The following MCTP1 variants were observed in gnomAD, a reference collection of about 807,000 sequenced individuals.
MCTP1 encodes the protein multiple C2 and transmembrane domain-containing protein 1.
A neutral mutation model predicts 120.6 loss-of-function variants in MCTP1; 69 were observed. The observed-to-expected ratio is 0.57, with a 90% CI of 0.47 to 0.70. The LOEUF is 0.70. MCTP1 is among the 30% of genes least tolerant of loss of function. The pLI is 0.00. For missense variants in MCTP1, 1,203 were observed against 1,248.8 expected (o/e 0.96, Z 0.55); for synonymous variants, 529 against 493.1 (o/e 1.07, Z -0.96).
At chr5:95,274,814 G>A (rs1332001836) in intron 1 of MCTP1, among the ~76,000 whole-genome samples, 2 of 151,854 alleles carry the variant, frequency 1.3e-5, no homozygotes, top group South Asian at 2.1e-4. Context: ...TAGTAGAGAC[G>A]GGGTTTCATC....
chr5:95,115,509 T>A lies in MCTP1; in HGVS notation c.721-98025A>T, dbSNP rs192966016. On this transcript the variant is annotated intron_variant, in intron 1 of 22. Coordinates refer to ENST00000515393, the MANE Select transcript of MCTP1 (RefSeq NM_024717.7). ...TGGCATACTGAAGAATGCATCAGAG[T>A]CTTTTAATAGCAGAATTGATCAAGC... is the stretch of plus-strand genomic sequence containing the variant. Among the ~76,000 whole-genome samples the A allele has an allele frequency of 2.0e-3, 306 of 151,380 alleles. 2 individuals carry two copies. The highest frequency in any genetic ancestry group is 7.1e-3 in the African/African-American group (291 of 41,228).
intron 1 of MCTP1, among the ~76,000 whole-genome samples, chr5:95,069,946 AC>A (rs1751714971): frequency 6.6e-6 from 1 of 151,736 alleles, no homozygotes; most frequent in Non-Finnish European, 1.5e-5. Flanking sequence ...CTTGTGATCC[AC>A]CCACCTCAGC....
At chr5:94,747,200 G>A (rs1282847188) in intron 19 of MCTP1, among the ~76,000 whole-genome samples, 2 of 152,124 alleles carry the variant, frequency 1.3e-5, no homozygotes, top group African/African-American at 4.8e-5. Context: ...ACAGCAGCAA[G>A]TATTTTTTCT....
chr5:95,208,023 G>C (rs71580780), intron 1 of MCTP1, among the ~76,000 whole-genome samples: 23,059 of 148,314 alleles, frequency 0.16, 2,388 homozygotes, highest in Non-Finnish European at 0.21. Flanking sequence ...GAGAGGGAGA[G>C]AGAGAGAAAG....
At chr5:95,267,031 G>A (rs551438423) in intron 1 of MCTP1, among the ~76,000 whole-genome samples, 25 of 152,208 alleles carry the variant, frequency 1.6e-4, no homozygotes, top group African/African-American at 5.5e-4. Flanking sequence ...GAACATTGCT[G>A]CAAATCTGTT....
At chr5:95,145,930 GT>G (rs1238573301) in intron 1 of MCTP1, among the ~76,000 whole-genome samples, 2 of 151,940 alleles carry the variant, frequency 1.3e-5, no homozygotes, top group Admixed American at 1.3e-4. Flanking sequence ...AGCCTCTCCT[GT>G]TTCATTTTCT....
chr5:95,200,702 T>C (rs1487072222), intron 1 of MCTP1, among the ~76,000 whole-genome samples: 1 of 152,198 alleles, frequency 6.6e-6, no homozygotes, highest in Admixed American at 6.5e-5. Context: ...TTCAGTTAGA[T>C]AAAAGTAATA....
intron 1 of MCTP1, among the ~76,000 whole-genome samples, chr5:95,098,308 A>T (rs957450699): frequency 6.6e-6 from 1 of 152,180 alleles, no homozygotes; most frequent in Non-Finnish European, 1.5e-5. Flanking sequence ...ATTTAAACAA[A>T]CTTCTTTTTA....
chr5:94,952,539 T>C (rs1820888364), intron 3 of MCTP1, among the ~76,000 whole-genome samples: 1 of 151,890 alleles, frequency 6.6e-6, no homozygotes, highest in African/African-American at 2.4e-5. Context: ...GTGGTAAAAG[T>C]AGAAAAAGGT....
intron 2 of MCTP1, among the ~76,000 whole-genome samples, chr5:95,009,313 C>G (rs148792350): frequency 1.3e-5 from 2 of 151,954 alleles, no homozygotes; most frequent in African/African-American, 2.4e-5. Flanking sequence ...ACACAGATTG[C>G]TCTTAAATTT....
At chr5:95,076,603 G>C (rs1284434366) in intron 1 of MCTP1, among the ~76,000 whole-genome samples, 11 of 152,120 alleles carry the variant, frequency 7.2e-5, no homozygotes, top group African/African-American at 2.7e-4. Context: ...GGGTAATGCT[G>C]TCCACTGATT....
intron 1 of MCTP1, among the ~76,000 whole-genome samples, chr5:95,055,181 T>C (rs933396587): frequency 6.6e-6 from 1 of 152,224 alleles, no homozygotes; most frequent in East Asian, 1.9e-4. Context: ...GCTATTGGTT[T>C]GGAAAATTAA....
intron 2 of MCTP1, among the ~76,000 whole-genome samples, chr5:94,967,735 C>T (rs528186273): frequency 3.3e-5 from 5 of 152,300 alleles, no homozygotes; most frequent in Admixed American, 1.3e-4. Context: ...ATTTTATAAA[C>T]GTGTGGTCTT....
chr5:95,113,440 G>A (rs1757596554), intron 1 of MCTP1, among the ~76,000 whole-genome samples: 1 of 152,062 alleles, frequency 6.6e-6, no homozygotes, highest in Non-Finnish European at 1.5e-5. Context: ...AGCAGTGGCT[G>A]CATGGTGTGG....
chr5:94,996,620 A>G (rs1231926665), intron 2 of MCTP1, among the ~76,000 whole-genome samples: 2 of 152,190 alleles, frequency 1.3e-5, no homozygotes, highest in Non-Finnish European at 2.9e-5. Context: ...TCATTGTTAT[A>G]CTGTATTGTT....
intron 1 of MCTP1, among the ~76,000 whole-genome samples, chr5:95,134,341 G>C (rs1267371064): frequency 1.3e-5 from 2 of 152,124 alleles, no homozygotes; most frequent in East Asian, 3.9e-4. Context: ...ACACATTATA[G>C]GCAAGATTAC....
At chr5:95,168,276 C>A (rs921486089) in intron 1 of MCTP1, among the ~76,000 whole-genome samples, 2 of 152,152 alleles carry the variant, frequency 1.3e-5, no homozygotes, top group Non-Finnish European at 2.9e-5. Context: ...GGTACCAGTA[C>A]CATGCTGTTT....
At chr5:94,981,528 C>G (rs1829414960) in intron 2 of MCTP1, among the ~76,000 whole-genome samples, 1 of 152,124 alleles carries the variant, frequency 6.6e-6, no homozygotes, top group Admixed American at 6.6e-5. Flanking sequence ...AACAACATCT[C>G]TACTCTCAAG....
intron 1 of MCTP1, among the ~76,000 whole-genome samples, chr5:95,210,803 C>T (rs553108534): frequency 1.1e-3 from 174 of 152,066 alleles, no homozygotes; most frequent in African/African-American, 3.9e-3. Context: ...GATTTTGCAG[C>T]GGCTGGTACC....
Sources: allele counts gnomAD v4.1 joint callset (sites outside exome capture counted in the v4.1 genomes callset), GRCh38; gene constraint gnomAD v4.1.1; transcripts MANE v1.5; gene names NCBI Gene and HGNC (gene_info 2026-07-23, HGNC 2026-07-21).